DNAH1: variants seen among roughly 807,000 people sequenced by gnomAD.
The protein encoded by DNAH1 is dynein axonemal heavy chain 1.
DNAH1 carries 327 observed loss-of-function variants against 484.3 expected under a neutral mutation model. That is an observed-to-expected ratio of 0.68 (90% CI 0.62 to 0.74). The LOEUF is 0.74. Among genes scored for constraint, DNAH1 ranks in the 30% least tolerant of loss-of-function variants. DNAH1 has a pLI of 0.00. For synonymous variants in DNAH1, 2,192 were observed against 2,191.9 expected (o/e 1.00, Z 0.00); for missense variants, 5,052 against 5,546.8 (o/e 0.91, Z 2.83).
chr3:52,389,476 G>A lies in DNAH1; in HGVS notation c.9511G>A (p.Val3171Met), dbSNP rs1253500051. ...ATCTCCCCAGGGCCAGTACCGCACG[G>A]TGCTCTACGACAGCTGGGTCAAGCA... ...LGPFTGQYRT[V>M]LYDSWVKQLR... Residue 3171 changes from valine (V) to methionine (M), a missense_variant, in exon 60 of 78, where the codon GTG becomes ATG. Transcript: ENST00000420323. 6.2e-7 allele frequency: 1 copy of A among 1,609,974 alleles called. No individual in the cohort carries two copies. Among genetic ancestry groups the A allele is most frequent in the Non-Finnish European group, 8.5e-7 (1 of 1,178,508 alleles).
chr3:52,399,654 CTGAG>C lies in DNAH1; in HGVS notation c.12553_12556del (p.Glu4185LeufsTer37). ...TGGGATCCAGAGGCCTTCCAGCTGG[CTGAG>C]TCTCAGCCCAAGGAGCTGTACACAG... On this transcript the variant is annotated frameshift_variant, in exon 77 of 78. Transcript: ENST00000420323. LOFTEE classifies it high-confidence loss of function. 6.2e-7 allele frequency: 1 copy of C among 1,614,056 alleles called. No individual in the cohort carries two copies. The highest frequency in any genetic ancestry group is 8.5e-7 in the Non-Finnish European group (1 of 1,179,910).
Position 52,360,306 on chromosome 3 carries a change from G to A in DNAH1, c.4572-5G>A, listed in dbSNP as rs755391091. The A allele has an allele frequency of 1.3e-5, 21 of 1,611,190 alleles. No homozygotes were observed. Among genetic ancestry groups the A allele is most frequent in the African/African-American group, 2.7e-5 (2 of 74,890 alleles). On this transcript the variant is annotated splice_region_variant and splice_polypyrimidine_tract_variant and intron_variant, in intron 27 of 77. Transcript: ENST00000420323. ...GGCCAGGCCCTCATCTCCCTGCACCGCCAGGTACTACTGGACAAATAATGA... is the reference window on the plus strand; with the variant it reads ...GGCCAGGCCCTCATCTCCCTGCACCACCAGGTACTACTGGACAAATAATGA...
chr3:52,387,848 A>G (rs1305831763), intron 56 of DNAH1, among the ~76,000 whole-genome samples: 1 of 152,138 alleles, frequency 6.6e-6, no homozygotes, highest in Non-Finnish European at 1.5e-5. Flanking sequence ...ATACCTGCTG[A>G]TGGTCTTGCT....
At chr3:52,357,243 G>A (rs1559523577) in intron 22 of DNAH1, among the ~76,000 whole-genome samples, 1 of 151,912 alleles carries the variant, frequency 6.6e-6, no homozygotes, top group South Asian at 2.1e-4. Flanking sequence ...TAGTGGAGCC[G>A]GGATTTCACC....
intron 14 of DNAH1, 49 bp downstream of exon 14, chr3:52,349,469 A>G (rs1476589974): frequency 2.3e-5 from 35 of 1,541,142 alleles, no homozygotes; most frequent in Non-Finnish European, 3.0e-5. Flanking sequence ...CACACACCAC[A>G]GCAGCACACA....
chr3:52,353,035 G>A lies in DNAH1; in HGVS notation c.3028-68G>A. 6.8e-7 allele frequency: 1 copy of A among 1,475,332 alleles called. No individual in the cohort carries two copies. The highest frequency in any genetic ancestry group is 9.2e-7 in the Non-Finnish European group (1 of 1,088,136). 91.4% of individuals were successfully genotyped at this position (1,475,332 alleles called of 1,614,324 possible). ...AGAGGGAGAGGACCTGGCCCAAGAA[G>A]GGGCAACATGGAGAGAGACTGGGAA... On this transcript the variant is annotated intron_variant, in intron 18 of 77. Coordinates refer to ENST00000420323, the MANE Select transcript of DNAH1 (RefSeq NM_015512.5). This position sits in a 1 kb window ranked among gnomAD's most constrained non-coding sequence, Gnocchi z 5.0.
At chr3:52,322,372 C>A in intron 1 of DNAH1, 37 bp from the exon 2 acceptor site, 1 of 1,449,298 alleles carries the variant, frequency 6.9e-7, no homozygotes, top group Non-Finnish European at 9.3e-7. Context: ...AAGACAGAGG[C>A]TGGCAAGGGC....
intron 9 of DNAH1, 77 bp from the exon 10 acceptor site, chr3:52,345,418 G>A: frequency 7.9e-7 from 1 of 1,264,540 alleles, no homozygotes; most frequent in Non-Finnish European, 1.1e-6. Flanking sequence ...CCTCCTTCAA[G>A]CACCCTGTGG....
At chr3:52,315,337 A>G (rs747731915), upstream of DNAH1, among the ~76,000 whole-genome samples, 1 of 152,226 alleles carries the variant, frequency 6.6e-6, no homozygotes, top group Non-Finnish European at 1.5e-5. Context: ...CTGGCTGGCC[A>G]GCCACATGAA....
Position 52,361,471 on chromosome 3 carries a change from G to C in DNAH1, c.4874+119G>C, listed in dbSNP as rs1265774557. The C allele has an allele frequency of 1.6e-5, 21 of 1,321,262 alleles. No individual in the cohort carries two copies. Among genetic ancestry groups the C allele is most frequent in the South Asian group, 8.9e-5 (6 of 67,400 alleles). 81.8% of individuals were successfully genotyped at this position (1,321,262 alleles called of 1,614,324 possible). Reference sequence around the variant, plus strand: ...CGAAGGATGGTGGAGGGGACAGAAGGGGGTAATAGGCATCACGGCTTGGTC... The same window carrying C: ...CGAAGGATGGTGGAGGGGACAGAAGCGGGTAATAGGCATCACGGCTTGGTC... On this transcript the variant is annotated intron_variant, in intron 29 of 77. Coordinates refer to ENST00000420323, the MANE Select transcript of DNAH1 (RefSeq NM_015512.5). The surrounding 1 kb of genome is among the most constrained non-coding windows in gnomAD (Gnocchi z 5.6).
At chr3:52,360,543 G>T in intron 28 of DNAH1, 119 bp downstream of exon 28, 1 of 814,874 alleles carries the variant, frequency 1.2e-6, no homozygotes, top group Non-Finnish European at 1.9e-6. Flanking sequence ...GCAGTACAGG[G>T]TTAGGACCAA....
chr3:52,400,444 T>C lies in DNAH1; in HGVS notation c.12796T>C (p.Ter4266GlnextTer?). 1 of 1,614,016 alleles carries C rather than the reference T, an allele frequency of 6.2e-7. No individual in the cohort carries two copies. The highest frequency in any genetic ancestry group is 8.5e-7 in the Non-Finnish European group (1 of 1,179,856). The change falls in exon 78 of 78, where the codon TAG becomes CAG. Residue 4266 changes from the stop codon to glutamine, a stop_lost. Transcript: ENST00000420323. ...GGCCCTCATCTGTGCCCTGGACTAC[T>C]AGACTCAGACAGAAGGGCTGGGGCC... Reference protein sequence around the residue: ...GVALICALDY* With the variant: ...GVALICALDYQ
rs780958985 is a variant in DNAH1, at chr3:52,392,615, G to A, written c.10204G>A (p.Glu3402Lys). The A allele has an allele frequency of 9.9e-6, 16 of 1,613,528 alleles. No individual in the cohort carries two copies. The highest frequency in any genetic ancestry group is 3.3e-4 in the Middle Eastern group (2 of 6,062). Residue 3402 changes from glutamate to lysine, a missense_variant, in exon 64 of 78, where the codon GAG (glutamate) becomes AAG (lysine). Physicochemically the swap from Glu to Lys is moderately conservative, Grantham distance 56. Coordinates refer to ENST00000420323, the MANE Select transcript of DNAH1 (RefSeq NM_015512.5). ...GATCCTGTACCGGCTCAGCTCCTCC[G>A]AGGGCAACCCTGTAGATGACATGGA... ...DQILYRLSSS[E>K]GNPVDDMELI...
At position 52,350,000 on chromosome 3, in the gene DNAH1, G is replaced by A. The variant is rs748961701; in HGVS notation, c.2538G>A (p.Glu846=). 6.8e-6 allele frequency: 11 copies of A among 1,610,196 alleles called. No homozygotes were observed. Among genetic ancestry groups the A allele is most frequent in the Non-Finnish European group, 9.3e-6 (11 of 1,178,576 alleles). The change falls in exon 15 of 78, where the codon GAG becomes GAA. Residue 846 remains glutamate, a synonymous_variant. Transcript: ENST00000420323. The part of the protein sequence containing the change: ...LHKEVDSICE[E]FRSISRKIYE... The stretch of plus-strand genomic sequence containing the variant: ...CCTCCCACTGCCAGATCTGCGAGGA[G>A]TTCCGCAGCATCAGCCGCAAGATCT...
intron 46 of DNAH1, among the ~76,000 whole-genome samples, chr3:52,376,483 G>T (rs888714644): frequency 6.6e-6 from 1 of 152,122 alleles, no homozygotes; most frequent in Admixed American, 6.5e-5. Flanking sequence ...CTCCCTTTTG[G>T]GTCTGCACCC....
At chr3:52,341,317 C>G (rs373572307) in intron 8 of DNAH1, among the ~76,000 whole-genome samples, 50 of 152,258 alleles carry the variant, frequency 3.3e-4, no homozygotes, top group African/African-American at 1.1e-3. Flanking sequence ...GAAGCAGACC[C>G]TGATGTGGGG....
intron 26 of DNAH1, 63 bp from the exon 27 acceptor site, chr3:52,359,853 G>A (rs1403510990): frequency 6.3e-7 from 1 of 1,590,682 alleles, no homozygotes; most frequent in South Asian, 1.1e-5. Flanking sequence ...CACCCTCTGT[G>A]AAAGGGGAGG....
chr3:52,383,712 G>A (rs1330804012), intron 51 of DNAH1, 118 bp downstream of exon 51: 5 of 1,406,820 alleles, frequency 3.6e-6, no homozygotes, highest in Non-Finnish European at 3.8e-6. Context: ...CGCGGCCCTG[G>A]GCCTGGCCAT....
chr3:52,326,645 C>T, intron 4 of DNAH1, 90 bp from the exon 5 acceptor site: 2 of 1,471,594 alleles, frequency 1.4e-6, no homozygotes, highest in East Asian at 2.3e-5. Context: ...ACACCCCTGT[C>T]CCCACAACCC....
Sources: gnomAD v4.1 joint callset for allele counts (sites outside exome capture counted in the v4.1 genomes callset) on GRCh38, gnomAD v4.1.1 for gene constraint, Gnocchi (gnomAD v3.1) non-coding constraint, MANE v1.5 for transcripts, NCBI Gene and HGNC (gene_info 2026-07-23, HGNC 2026-07-21) for gene names.